NKAIN3: variants seen among roughly 807,000 people sequenced by gnomAD.
NKAIN3 encodes sodium/potassium transporting ATPase interacting 3, also known as sodium/potassium-transporting ATPase subunit beta-1-interacting protein 3.
In NKAIN3, 25 loss-of-function variants were observed where a neutral mutation model predicts 30.2. That is an observed-to-expected ratio of 0.83 (90% CI 0.60 to 1.16). The LOEUF is 1.16. Ranked by LOEUF, NKAIN3 falls within the 50% of genes most tolerant of loss-of-function variation. The pLI is 0.00. For synonymous variants in NKAIN3, 91 were observed against 89.6 expected (o/e 1.02, Z -0.09); for missense variants, 225 against 254.1 (o/e 0.89, Z 0.78).
At chr8:62,803,641 A>G (rs2130699298) in intron 4 of NKAIN3, among the ~76,000 whole-genome samples, 2 of 152,308 alleles carry the variant, frequency 1.3e-5, no homozygotes, top group South Asian at 4.1e-4. Flanking sequence ...TTATAGCACT[A>G]AATGCCTGCA....
chr8:62,331,138 C>T (rs1005852910), intron 1 of NKAIN3, among the ~76,000 whole-genome samples: 12 of 150,138 alleles, frequency 8.0e-5, no homozygotes, highest in African/African-American at 2.9e-4. Flanking sequence ...TTCCTCCCTC[C>T]TCTTCCACCC....
chr8:62,662,418 A>G (rs1292239224), intron 3 of NKAIN3, among the ~76,000 whole-genome samples: 1 of 152,196 alleles, frequency 6.6e-6, no homozygotes, highest in East Asian at 1.9e-4. Context: ...TCTCCTAGAA[A>G]TCCCAACCAC....
At chr8:62,290,941 T>A (rs977449945) in intron 1 of NKAIN3, among the ~76,000 whole-genome samples, 7 of 152,226 alleles carry the variant, frequency 4.6e-5, no homozygotes, top group African/African-American at 1.7e-4. Flanking sequence ...ATTCAGGGAT[T>A]CCACTTCTTC....
At chr8:62,590,096 A>T (rs1337883074) in intron 3 of NKAIN3, among the ~76,000 whole-genome samples, 1 of 151,750 alleles carries the variant, frequency 6.6e-6, no homozygotes, top group African/African-American at 2.4e-5. Flanking sequence ...ACATAATACC[A>T]TAGTGACTGC....
intron 1 of NKAIN3, among the ~76,000 whole-genome samples, chr8:62,380,657 G>T (rs1374847875): frequency 1.3e-5 from 2 of 152,170 alleles, no homozygotes; most frequent in South Asian, 4.1e-4. Flanking sequence ...TCTAAAGTTT[G>T]TTAGATAAGC....
chr8:62,942,110 A>G (rs1455933744), intron 5 of NKAIN3, among the ~76,000 whole-genome samples: 1 of 151,498 alleles, frequency 6.6e-6, no homozygotes, highest in African/African-American at 2.4e-5. Flanking sequence ...GCAGTGCTGT[A>G]CACCAACAGC....
chr8:62,828,471 A>G (rs1001164800), intron 4 of NKAIN3, among the ~76,000 whole-genome samples: 1 of 152,202 alleles, frequency 6.6e-6, no homozygotes, highest in Admixed American at 6.5e-5. Context: ...TTACAATCAC[A>G]TGGTTCATTA....
intron 1 of NKAIN3, among the ~76,000 whole-genome samples, chr8:62,543,520 C>T (rs1332370666): frequency 6.6e-6 from 1 of 152,196 alleles, no homozygotes; most frequent in Non-Finnish European, 1.5e-5. Flanking sequence ...CGCTATAAAT[C>T]ACTTTGCAGA....
Position 62,979,108 on chromosome 8 carries a change from A to G in NKAIN3, c.*13701A>G, listed in dbSNP as rs1197727660. ...TCAGTTGGAAATGCAGAAATCACCC[A>G]CTTTCTGTGTTGGTCTTGCTGGGAG... On this transcript the variant is annotated 3_prime_UTR_variant, in exon 7 of 7. Transcript: ENST00000623646. The G allele has an allele frequency of 1.3e-5, 2 of 151,472 alleles. No homozygotes were observed. The highest frequency in any genetic ancestry group is 4.2e-4 in the South Asian group (2 of 4,748). 9.4% of individuals were successfully genotyped at this position (151,472 alleles called of 1,614,324 possible). A position where few individuals can be genotyped will look rare whatever the true frequency, so the allele number is the denominator to read the frequency against.
At chr8:62,519,499 A>G (rs1204692651) in intron 1 of NKAIN3, among the ~76,000 whole-genome samples, 1 of 152,166 alleles carries the variant, frequency 6.6e-6, no homozygotes, top group Non-Finnish European at 1.5e-5. Context: ...GATTACACGT[A>G]TAGCATCTTC....
intron 1 of NKAIN3, among the ~76,000 whole-genome samples, chr8:62,280,071 C>T (rs1020812396): frequency 6.6e-6 from 1 of 152,020 alleles, no homozygotes; most frequent in Admixed American, 6.6e-5. Flanking sequence ...TTGTAGTTCC[C>T]CTTGAAGAGG....
intron 4 of NKAIN3, among the ~76,000 whole-genome samples, chr8:62,833,192 GTGT>G (rs938484475): frequency 6.6e-6 from 1 of 152,072 alleles, no homozygotes; most frequent in Non-Finnish European, 1.5e-5. Context: ...AGCAAAAGCA[GTGT>G]TAAGAGGAAA....
At chr8:62,953,699 A>T (rs1823346021) in intron 5 of NKAIN3, among the ~76,000 whole-genome samples, 1 of 152,144 alleles carries the variant, frequency 6.6e-6, no homozygotes, top group Non-Finnish European at 1.5e-5. Context: ...AGACCCTATG[A>T]ATCCAGGTTA....
intron 3 of NKAIN3, among the ~76,000 whole-genome samples, chr8:62,681,736 A>G (rs1563514086): frequency 6.6e-6 from 1 of 152,226 alleles, no homozygotes; most frequent in Non-Finnish European, 1.5e-5. Flanking sequence ...ATATGACTTT[A>G]TATATACTCC....
intron 2 of NKAIN3, among the ~76,000 whole-genome samples, chr8:62,582,587 G>A (rs973879801): frequency 6.6e-6 from 1 of 152,076 alleles, no homozygotes; most frequent in Non-Finnish European, 1.5e-5. Context: ...GTCCACAAGG[G>A]AACAAGGGAG....
rs569586921 is a variant in NKAIN3 at position 62,439,803 on chromosome 8, TTTG to T, written c.55-139727_55-139725del. ...GTGCAGTCAACAGAGAAGCAATTTT[TTTG>T]TTGTTGTTTGCTTGCTGTTGGGTTC... is the stretch of plus-strand genomic sequence containing the variant. On this transcript the variant is annotated intron_variant, in intron 1 of 6. Transcript: ENST00000623646. 4.6e-5 allele frequency among the ~76,000 whole-genome samples: 7 copies of T among 152,196 alleles called. No homozygotes were observed. In the South Asian group the frequency reaches 6.2e-4, roughly 14 times the overall value.
chr8:62,445,271 G>T (rs1378786090), intron 1 of NKAIN3, among the ~76,000 whole-genome samples: 1 of 150,240 alleles, frequency 6.7e-6, no homozygotes, highest in African/African-American at 2.4e-5. Flanking sequence ...GATGGTGAAT[G>T]ATTTTGAGTC....
chr8:62,800,994 C>G (rs1289982805), intron 4 of NKAIN3, among the ~76,000 whole-genome samples: 1 of 152,202 alleles, frequency 6.6e-6, no homozygotes, highest in Admixed American at 6.5e-5. Context: ...GGTCCTACAC[C>G]CACGGAGTCT....
chr8:62,280,732 A>C (rs1383924553), intron 1 of NKAIN3, among the ~76,000 whole-genome samples: 2 of 152,126 alleles, frequency 1.3e-5, no homozygotes, highest in Non-Finnish European at 1.5e-5. Context: ...AGCCAACTTG[A>C]TCGTGGTGGA....
Sources: allele counts gnomAD v4.1 joint callset (sites outside exome capture counted in the v4.1 genomes callset), GRCh38; gene constraint gnomAD v4.1.1; transcripts MANE v1.5; gene names NCBI Gene and HGNC (gene_info 2026-07-23, HGNC 2026-07-21).